TRHDE: variants seen among roughly 807,000 people sequenced by gnomAD.
The protein encoded by TRHDE is thyrotropin releasing hormone degrading enzyme.
In TRHDE, 72 loss-of-function variants were observed where a neutral mutation model predicts 125.7. The ratio of observed to expected loss-of-function variants is 0.57; its 90% CI spans 0.47 to 0.70. The LOEUF is 0.70. TRHDE is among the 30% of genes least tolerant of loss of function. TRHDE has a pLI of 0.00. For missense variants in TRHDE, 1,110 were observed against 1,327.1 expected, an observed-to-expected ratio of 0.84 and a Z score of 2.54; for synonymous variants, 509 against 509.1, an observed-to-expected ratio of 1.00 and a Z score of 0.00.
chr12:72,471,882 T>C (rs1876666096), intron 4 of TRHDE, among the ~76,000 whole-genome samples: 2 of 131,074 alleles, frequency 1.5e-5, no homozygotes, highest in African/African-American at 5.9e-5. Context: ...CTGGACTCTT[T>C]CATGCTTTCC....
intron 2 of TRHDE, among the ~76,000 whole-genome samples, chr12:72,334,066 GGA>G (rs1221806849): frequency 6.6e-6 from 1 of 151,868 alleles, no homozygotes; most frequent in Non-Finnish European, 1.5e-5. Flanking sequence ...CTTTGAAAGT[GGA>G]GAGAGAAGAG....
At chr12:72,260,906 G>A (rs1416093860) in intron 2 of TRHDE, among the ~76,000 whole-genome samples, 1 of 152,168 alleles carries the variant, frequency 6.6e-6, no homozygotes, top group Non-Finnish European at 1.5e-5. Flanking sequence ...CATGCCAATA[G>A]TTACAAGGTA....
chr12:72,098,361 A>AC (rs760791029), intron 1 of TRHDE, among the ~76,000 whole-genome samples: 1 of 152,180 alleles, frequency 6.6e-6, no homozygotes, highest in Non-Finnish European at 1.5e-5. Flanking sequence ...TAATATCACA[A>AC]CTAGGACCTT....
At chr12:72,360,824 A>G (rs1871038511) in intron 2 of TRHDE, among the ~76,000 whole-genome samples, 1 of 151,784 alleles carries the variant, frequency 6.6e-6, no homozygotes, top group Admixed American at 6.6e-5. Context: ...TACATATTTT[A>G]AAATTTAATG....
chr12:72,327,676 C>CT (rs1037657555), intron 2 of TRHDE, among the ~76,000 whole-genome samples: 1 of 152,044 alleles, frequency 6.6e-6, no homozygotes, highest in African/African-American at 2.4e-5. Flanking sequence ...CAGACGAACA[C>CT]TTTTTTTCAT....
chr12:72,578,572 C>T (rs1399691249), intron 12 of TRHDE, among the ~76,000 whole-genome samples: 2 of 152,156 alleles, frequency 1.3e-5, no homozygotes, highest in Non-Finnish European at 2.9e-5. Context: ...TATTGCTCAA[C>T]CACTTACTTT....
intron 2 of TRHDE, among the ~76,000 whole-genome samples, chr12:72,249,108 T>C (rs1360682245): frequency 2.0e-5 from 3 of 152,068 alleles, no homozygotes; most frequent in Non-Finnish European, 4.4e-5. Flanking sequence ...GACAAAAGCA[T>C]AGGAGAAAAT....
intron 5 of TRHDE, among the ~76,000 whole-genome samples, chr12:72,478,951 T>C (rs919521093): frequency 1.4e-5 from 2 of 144,556 alleles, no homozygotes; most frequent in Non-Finnish European, 1.5e-5. Context: ...ACAAAAACAG[T>C]TAAAATGAGA....
intron 2 of TRHDE, among the ~76,000 whole-genome samples, chr12:72,334,989 C>T (rs1160612141): frequency 3.3e-5 from 5 of 152,142 alleles, no homozygotes; most frequent in Non-Finnish European, 7.3e-5. Context: ...AGAATGATCC[C>T]TTTAAAGGAA....
At position 72,133,002 on chromosome 12, in the gene TRHDE, A is replaced by G. The variant is rs1213955931; in HGVS notation, n.279+27250A>G. Reference sequence around the variant, plus strand: ...AAAGACCTCCATGTGGCCAGAGCAGAGAGGACATGGTGGAGGCAGGGGAAG... The same window carrying G: ...AAAGACCTCCATGTGGCCAGAGCAGGGAGGACATGGTGGAGGCAGGGGAAG... On this transcript the variant is annotated intron_variant and non_coding_transcript_variant, in intron 2 of 4. Transcript: ENST00000548156. Among the ~76,000 whole-genome samples, 5 of 152,208 alleles carry G rather than the reference A, an allele frequency of 3.3e-5. No individual in the cohort carries two copies. The South Asian group carries it at 1.0e-3, about 32-fold the overall frequency.
intron 12 of TRHDE, 138 bp from the exon 13 acceptor site, chr12:72,618,753 A>C: frequency 3.3e-6 from 2 of 615,218 alleles, no homozygotes; most frequent in African/African-American, 1.9e-5. Context: ...ATATTTTAAA[A>C]GTGAGTAATT....
intron 5 of TRHDE, among the ~76,000 whole-genome samples, chr12:72,496,695 A>G (rs977623520): frequency 6.6e-6 from 1 of 151,744 alleles, no homozygotes; most frequent in African/African-American, 2.4e-5. Context: ...TTCATTCACT[A>G]TGGCCAAATA....
intron 15 of TRHDE, among the ~76,000 whole-genome samples, chr12:72,622,189 G>GA (rs1055772459): frequency 6.6e-5 from 10 of 151,816 alleles, no homozygotes; most frequent in African/African-American, 2.4e-4. Flanking sequence ...AAAAGGTTAT[G>GA]AAAAAAAGAT....
chr12:72,114,204 A>G (rs1358645211), intron 2 of TRHDE, among the ~76,000 whole-genome samples: 8 of 36,504 alleles, frequency 2.2e-4, no homozygotes, highest in Admixed American at 1.1e-3. Flanking sequence ...AAACTCTGTC[A>G]AACATTCCTG....
At chr12:72,351,981 G>A (rs1442247951) in intron 2 of TRHDE, among the ~76,000 whole-genome samples, 1 of 151,846 alleles carries the variant, frequency 6.6e-6, no homozygotes, top group African/African-American at 2.4e-5. Context: ...GCTCAGGGAA[G>A]TTTTCTCTGA....
chr12:72,388,036 G>A (rs937016896), intron 3 of TRHDE, among the ~76,000 whole-genome samples: 12 of 151,552 alleles, frequency 7.9e-5, no homozygotes, highest in East Asian at 1.9e-4. Context: ...TTACCCCCCC[G>A]GACCCTCTAA....
At chr12:72,345,194 A>G (rs1870262975) in intron 2 of TRHDE, among the ~76,000 whole-genome samples, 1 of 152,180 alleles carries the variant, frequency 6.6e-6, no homozygotes, top group Non-Finnish European at 1.5e-5. Context: ...TGTAAAAGCT[A>G]CAGACATGAC....
At chr12:72,109,413 G>T (rs1326555148) in intron 2 of TRHDE, among the ~76,000 whole-genome samples, 3 of 152,024 alleles carry the variant, frequency 2.0e-5, no homozygotes, top group Admixed American at 2.0e-4. Context: ...ATGCTTGGCT[G>T]CATATAACAG....
chr12:72,581,451 A>C (rs999886112), intron 12 of TRHDE, among the ~76,000 whole-genome samples: 1 of 152,196 alleles, frequency 6.6e-6, no homozygotes, highest in Non-Finnish European at 1.5e-5. Flanking sequence ...CATGATCATC[A>C]TTATCATCAT....
Sources: allele counts gnomAD v4.1 joint callset (sites outside exome capture counted in the v4.1 genomes callset), GRCh38; gene constraint gnomAD v4.1.1; transcripts MANE v1.5; gene names NCBI Gene and HGNC (gene_info 2026-07-23, HGNC 2026-07-21).